Variants in PCDHA11 observed in about 807,000 individuals in gnomAD.
The protein encoded by PCDHA11 is protocadherin alpha 11.
In PCDHA11, 61 loss-of-function variants were observed where a neutral mutation model predicts 70.3. The ratio of observed to expected loss-of-function variants is 0.87; its 90% CI spans 0.71 to 1.07. The LOEUF (loss-of-function observed/expected upper bound fraction) is 1.07. PCDHA11 is among the 50% of genes least tolerant of loss of function. PCDHA11 has a pLI of 0.00. For missense variants in PCDHA11, 1,324 were observed against 1,237.5 expected (o/e 1.07, Z -1.05); for synonymous variants, 633 against 555.1 (o/e 1.14, Z -1.97).
At chr5:140,951,071 C>T (rs246044) in intron 1 of PCDHA11, among the ~76,000 whole-genome samples, 86,232 of 151,532 alleles carry the variant, frequency 0.57, 25,208 homozygotes, top group African/African-American at 0.71. Flanking sequence ...CATTGGCTTT[C>T]TTATATTTTC....
intron 1 of PCDHA11, among the ~76,000 whole-genome samples, chr5:140,943,548 G>A (rs1280986902): frequency 6.6e-6 from 1 of 152,152 alleles, no homozygotes; most frequent in African/African-American, 2.4e-5. Context: ...GTAAATAGAC[G>A]TAGACAATAA....
intron 1 of PCDHA11, among the ~76,000 whole-genome samples, chr5:140,937,309 T>G (rs1210222120): frequency 6.6e-6 from 1 of 152,102 alleles, no homozygotes; most frequent in African/African-American, 2.4e-5. Flanking sequence ...AGTGCTGGGA[T>G]TACAGGCGTG....
intron 1 of PCDHA11, among the ~76,000 whole-genome samples, chr5:140,887,924 G>C (rs782008714): frequency 6.6e-5 from 10 of 152,026 alleles, no homozygotes; most frequent in Admixed American, 6.6e-4. Context: ...TCATTTCAGA[G>C]ACCATATTTA....
At chr5:140,907,416 T>C (rs1209334366) in intron 1 of PCDHA11, among the ~76,000 whole-genome samples, 1 of 152,206 alleles carries the variant, frequency 6.6e-6, no homozygotes, top group East Asian at 1.9e-4. Flanking sequence ...ACCACGATGG[T>C]GGATAAGGCA....
chr5:140,989,727 A>C (rs1203211477), intron 3 of PCDHA11, among the ~76,000 whole-genome samples: 7 of 152,190 alleles, frequency 4.6e-5, no homozygotes, highest in African/African-American at 1.7e-4. Context: ...TTTGCAGTTG[A>C]AAAGGCCATT....
At chr5:140,982,409 G>A (rs1554244106) in intron 2 of PCDHA11, 66 bp from the exon 3 acceptor site, 20 of 1,608,038 alleles carry the variant, frequency 1.2e-5, no homozygotes, top group Non-Finnish European at 1.6e-5. Flanking sequence ...CAATTTCTGA[G>A]GGTGGAAGAA....
At chr5:140,903,313 C>G (rs974760383) in intron 1 of PCDHA11, among the ~76,000 whole-genome samples, 2 of 152,088 alleles carry the variant, frequency 1.3e-5, no homozygotes, top group South Asian at 4.1e-4. Context: ...ACAATAAAGA[C>G]AGCATTTTTA....
chr5:140,919,258 A>G (rs2079053720), intron 1 of PCDHA11, among the ~76,000 whole-genome samples: 1 of 152,178 alleles, frequency 6.6e-6, no homozygotes, highest in African/African-American at 2.4e-5. Flanking sequence ...TTTGTCTGAT[A>G]TTAGTGTAGT....
chr5:140,980,021 A>C (rs1472439975), intron 2 of PCDHA11, among the ~76,000 whole-genome samples: 2 of 152,248 alleles, frequency 1.3e-5, no homozygotes. Context: ...AAATGAGCAG[A>C]AATCATTACA....
chr5:140,922,342 A>G (rs1256854965), intron 1 of PCDHA11, among the ~76,000 whole-genome samples: 2 of 152,184 alleles, frequency 1.3e-5, no homozygotes, highest in East Asian at 3.8e-4. Flanking sequence ...GTATATTGGT[A>G]TTTTCTAGAG....
chr5:140,879,824 T>G (rs946010713), intron 1 of PCDHA11, among the ~76,000 whole-genome samples: 2 of 152,250 alleles, frequency 1.3e-5, no homozygotes, highest in Non-Finnish European at 2.9e-5. Context: ...TGGTGTTCCC[T>G]GGCTTGTGGC....
At chr5:140,950,548 G>T (rs1363394631) in intron 1 of PCDHA11, among the ~76,000 whole-genome samples, 2 of 151,990 alleles carry the variant, frequency 1.3e-5, no homozygotes, top group African/African-American at 4.8e-5. Context: ...TTGCATGGCT[G>T]GGGGGACACT....
chr5:140,985,532 G>A (rs1358120172), intron 3 of PCDHA11, among the ~76,000 whole-genome samples: 2 of 152,190 alleles, frequency 1.3e-5, no homozygotes, highest in African/African-American at 4.8e-5. Context: ...AAAGCTTCAC[G>A]GTGAAGATGC....
intron 1 of PCDHA11, among the ~76,000 whole-genome samples, chr5:140,900,747 CTTGGTAGCTCTATT>C (rs545406022): frequency 3.1e-4 from 47 of 152,302 alleles, no homozygotes; most frequent in African/African-American, 1.1e-3. Flanking sequence ...TTCTGGATCA[CTTGGTAGCTCTATT>C]TTTGGCTTTT....
chr5:140,903,301 A>G (rs575233990), intron 1 of PCDHA11, among the ~76,000 whole-genome samples: 1 of 152,302 alleles, frequency 6.6e-6, no homozygotes, highest in East Asian at 1.9e-4. Context: ...GAAATTTAGT[A>G]TACAATAAAG....
intron 1 of PCDHA11, chr5:140,881,244 C>A (rs1219638908): frequency 4.8e-5 from 19 of 396,890 alleles, no homozygotes; most frequent in Non-Finnish European, 6.2e-5. Context: ...ATTTAAATGA[C>A]GGCAAGGTTT....
At chr5:140,875,339 T>C in intron 1 of PCDHA11, 2 of 1,441,270 alleles carry the variant, frequency 1.4e-6, no homozygotes, top group Non-Finnish European at 1.8e-6. Flanking sequence ...TAGGATCGAC[T>C]CCATAATGAC....
At chr5:140,991,716 A>G (rs1287772391) in intron 3 of PCDHA11, among the ~76,000 whole-genome samples, 1 of 152,164 alleles carries the variant, frequency 6.6e-6, no homozygotes, top group East Asian at 1.9e-4. Flanking sequence ...TATTGCTACT[A>G]GCAGCCTGTT....
chr5:140,869,740 A>G lies in PCDHA11; in HGVS notation c.637A>G (p.Thr213Ala). Residue 213 changes from threonine (T) to alanine (A), a missense_variant, in exon 1 of 4, where the codon ACA (threonine) becomes GCA (alanine). Physicochemically the swap from Thr to Ala is moderately conservative, Grantham distance 58 (BLOSUM62 0). Transcript: ENST00000398640. ...EKTPELNLLL[T>A]ATDGGKPELT... ...AACTCCGGAACTTAATTTGCTGCTA[A>G]CAGCTACAGACGGGGGAAAACCAGA... The G allele has an allele frequency of 6.2e-7, 1 of 1,613,346 alleles. No individual in the cohort carries two copies. The highest frequency in any genetic ancestry group is 8.5e-7 in the Non-Finnish European group (1 of 1,179,816).
Sources: allele counts gnomAD v4.1 joint callset (sites outside exome capture counted in the v4.1 genomes callset), GRCh38; gene constraint gnomAD v4.1.1; transcripts MANE v1.5; gene names NCBI Gene and HGNC (gene_info 2026-07-23, HGNC 2026-07-21).